Variants in CHMP4A observed in about 807,000 individuals in gnomAD.
The protein encoded by CHMP4A is charged multivesicular body protein 4A.
Under a neutral mutation model 28.2 loss-of-function variants are expected in CHMP4A, and 29 were observed. The ratio of observed to expected loss-of-function variants is 1.03; its 90% CI spans 0.77 to 1.40. The LOEUF is 1.40. Ranked by LOEUF, CHMP4A falls within the 40% of genes most tolerant of loss-of-function variation. The probability of loss-of-function intolerance (pLI) is 0.00; values close to 1 mark genes in which losing one functional copy is unlikely to be tolerated. For synonymous variants in CHMP4A, 88 were observed against 99.3 expected, an observed-to-expected ratio of 0.89 and a Z score of 0.67; for missense variants, 241 against 263.5, an observed-to-expected ratio of 0.91 and a Z score of 0.59.
At position 24,213,479 on chromosome 14, in the gene CHMP4A, C is replaced by A. The variant is rs751983750; in HGVS notation, c.-40G>T. On this transcript the variant is annotated 5_prime_UTR_variant, in exon 1 of 6. Transcript: ENST00000347519. ...TCCCGCCTCCGCCCCTCAGCGTCCT[C>A]CAGACTTCCGCCTTGCTCCTGGGAG... 4.3e-6 allele frequency: 7 copies of A among 1,613,610 alleles called. No homozygotes were observed. The Middle Eastern group carries it at 1.2e-3, about 266-fold the overall frequency.
intron 3 of CHMP4A, 24 bp downstream of exon 3, chr14:24,211,391 C>G (rs1449898123): frequency 4.4e-6 from 7 of 1,582,502 alleles, no homozygotes; most frequent in Admixed American, 1.7e-5. Flanking sequence ...CCTGGGTCCC[C>G]TCCACCCCTC....
At chr14:24,212,519 C>A in intron 1 of CHMP4A, 1 of 357,626 alleles carries the variant, frequency 2.8e-6, no homozygotes, top group Non-Finnish European at 5.3e-6. Flanking sequence ...CCCTGAGTAG[C>A]TGGGACTACA....
Position 24,211,761 on chromosome 14 carries a change from T to G in CHMP4A, c.100A>C (p.Ile34Leu). 6.2e-7 allele frequency: 1 copy of G among 1,614,226 alleles called. No homozygotes were observed. ...QKLKETEKILIKKQEFLEQKI... is the reference protein window; with the variant it reads ...QKLKETEKILLKKQEFLEQKI... ...TGCTCCAAAAATTCCTGTTTCTTGA[T>G]CAGTATCTTCTCTGTCTCCTTCAGT... The change falls in exon 2 of 6, where the codon ATC (isoleucine) becomes CTC (leucine). Residue 34 changes from isoleucine (I) to leucine (L), a missense_variant. Transcript: ENST00000347519.
At position 24,211,500 on chromosome 14, in the gene CHMP4A, C is replaced by A. The variant is rs778044294; in HGVS notation, c.274G>T (p.Ala92Ser). ...TLSTLEFQRE[A>S]IENATTNAEV... is the part of the protein sequence containing the mutation. ...GCATTGGTAGTGGCATTCTCAATGG[C>A]CTCACGCTGAAACTCCAGGGTGGAT... The change falls in exon 3 of 6, where the codon GCC becomes TCC. Residue 92 changes from alanine (A) to serine (S), a missense_variant. Ala to Ser is a moderately conservative substitution (Grantham distance 99, BLOSUM62 1). Coordinates refer to ENST00000347519, the MANE Select transcript of CHMP4A (RefSeq NM_014169.5). The A allele has an allele frequency of 3.1e-6, 5 of 1,613,986 alleles. No individual in the cohort carries two copies. Among genetic ancestry groups the A allele is most frequent in the Middle Eastern group, 1.6e-4 (1 of 6,084 alleles).
At chr14:24,213,226 G>A in intron 1 of CHMP4A, 183 bp downstream of exon 1, 1 of 637,274 alleles carries the variant, frequency 1.6e-6, no homozygotes, top group Non-Finnish European at 2.5e-6. Context: ...GCCCCGACAT[G>A]GTGTGCCTTT....
At chr14:24,213,322 G>A in intron 1 of CHMP4A, 87 bp downstream of exon 1, 15 of 1,403,870 alleles carry the variant, frequency 1.1e-5, no homozygotes, top group Non-Finnish European at 1.4e-5. Flanking sequence ...CCTGCCCGGC[G>A]CAGCGGTCCG....
chr14:24,212,580 A>T (rs1194989742), intron 1 of CHMP4A: 1 of 389,056 alleles, frequency 2.6e-6, no homozygotes, highest in South Asian at 2.0e-5. Flanking sequence ...TTGAGAATGG[A>T]GTCTCCCTCT....
chr14:24,213,465 C>T lies in CHMP4A; in HGVS notation c.-26G>A. On this transcript the variant is annotated 5_prime_UTR_variant, in exon 1 of 6. Transcript: ENST00000347519. ...CGCGAGCTCGCCTCTCCCGCCTCCG[C>T]CCCTCAGCGTCCTCCAGACTTCCGC... 1.2e-6 allele frequency: 2 copies of T among 1,612,912 alleles called. No homozygotes were observed. Among genetic ancestry groups the T allele is most frequent in the Non-Finnish European group, 8.5e-7 (1 of 1,179,630 alleles).
chr14:24,211,619 A>T (rs2138860224), intron 2 of CHMP4A, 27 bp from the exon 3 acceptor site: 2 of 1,610,348 alleles, frequency 1.2e-6, no homozygotes, highest in Middle Eastern at 1.7e-4. Flanking sequence ...CCTGAACATC[A>T]AGAGTCAGAA....
At chr14:24,213,378 C>T (rs763361911) in intron 1 of CHMP4A, 31 bp downstream of exon 1, 3 of 1,545,758 alleles carry the variant, frequency 1.9e-6, no homozygotes, top group South Asian at 2.4e-5. Flanking sequence ...CAGCCAGCGC[C>T]TCCTGGCTGG....
intron 1 of CHMP4A, chr14:24,213,169 A>C (rs1388888156): frequency 2.0e-6 from 1 of 511,904 alleles, no homozygotes; most frequent in East Asian, 3.6e-5. Flanking sequence ...CCAGATCTTG[A>C]GTTCTTCCCT....
intron 1 of CHMP4A, 50 bp downstream of exon 1, chr14:24,213,359 C>G: frequency 6.6e-7 from 1 of 1,516,822 alleles, no homozygotes; most frequent in Admixed American, 2.3e-5. Context: ...GTCTCCTCTT[C>G]CCCTGCACCA....
At position 24,209,772 on chromosome 14, in the gene CHMP4A, C is replaced by T. The variant is rs1292549972; in HGVS notation, c.*105G>A. 1 of 1,097,732 alleles carries T rather than the reference C, an allele frequency of 9.1e-7. No individual in the cohort carries two copies. The highest frequency in any genetic ancestry group is 1.5e-5 in the African/African-American group (1 of 64,676). 68.0% of individuals were successfully genotyped at this position (1,097,732 alleles called of 1,614,324 possible). ...TTTCAGGCAGGGTCACACTACCACC[C>T]TCAGCATGACTTCCCCAAAAAGTTA... On this transcript the variant is annotated 3_prime_UTR_variant, in exon 6 of 6. Transcript: ENST00000347519.
intron 1 of CHMP4A, chr14:24,213,085 C>T (rs1333483058): frequency 8.6e-6 from 3 of 347,854 alleles, no homozygotes; most frequent in Middle Eastern, 7.5e-4. Flanking sequence ...TGGCTGAAGA[C>T]AGCAGGAAAC....
Position 24,209,797 on chromosome 14 carries a change from A to G in CHMP4A, c.*80T>C. 7.2e-7 allele frequency: 1 copy of G among 1,391,476 alleles called. No homozygotes were observed. The highest frequency in any genetic ancestry group is 1.0e-6 in the Non-Finnish European group (1 of 978,462). The allele number at this position is 1,391,476 out of a possible 1,614,324, so 86.2% of individuals were successfully genotyped here. ...CTCAGCATGACTTCCCCAAAAAGTT[A>G]TCCTCCTTTAGCTCAGCACTTGGCA... On this transcript the variant is annotated 3_prime_UTR_variant, in exon 6 of 6. Coordinates refer to ENST00000347519, the MANE Select transcript of CHMP4A (RefSeq NM_014169.5).
intron 3 of CHMP4A, 130 bp downstream of exon 3, chr14:24,211,285 G>A: frequency 2.6e-6 from 2 of 783,070 alleles, no homozygotes; most frequent in Admixed American, 2.9e-5. Flanking sequence ...GCAAGGGGCA[G>A]ATGGATGTCT....
At position 24,210,431 on chromosome 14, in the gene CHMP4A, T is replaced by C. The variant is rs148589696; in HGVS notation, c.527A>G (p.Glu176Gly). 2.0e-4 allele frequency: 324 copies of C among 1,614,092 alleles called. No homozygotes were observed. Among genetic ancestry groups the C allele is most frequent in the Non-Finnish European group, 2.5e-4 (295 of 1,180,010 alleles). ...TTCCTTGTCGCCCACATTTAACAAC[T>C]CCTGGGCCAATTCCTCCTGCTCCAG... ...EELEQEELAQ[E>G]LLNVGDKEEE... is the part of the protein sequence containing the mutation. Residue 176 changes from glutamate to glycine, a missense_variant, in exon 5 of 6, where the codon GAG (glutamate) becomes GGG (glycine). Glu to Gly is a moderately conservative substitution (Grantham distance 98). Transcript: ENST00000347519.
chr14:24,211,338 G>C, intron 3 of CHMP4A, 77 bp downstream of exon 3: 1 of 1,259,340 alleles, frequency 7.9e-7, no homozygotes, highest in Non-Finnish European at 1.1e-6. Flanking sequence ...ATTCTGAGAG[G>C]CTTTAAAGTT....
In CHMP4A at chr14:24,211,836, A is replaced by T. The variant is rs2039593830; in HGVS notation, c.32-7T>A. 1.3e-6 allele frequency: 2 copies of T among 1,596,820 alleles called. No individual in the cohort carries two copies. Among genetic ancestry groups the T allele is most frequent in the African/African-American group, 2.7e-5 (2 of 73,586 alleles). On this transcript the variant is annotated splice_region_variant and splice_polypyrimidine_tract_variant and intron_variant, in intron 1 of 5. Transcript: ENST00000347519. ...GGCCCTTTCTCCTTCTTCCCTGAGG[A>T]GTCCAGTGGAGTAGGCCCAAATTTT...
Sources: gnomAD v4.1 joint callset for allele counts on GRCh38, gnomAD v4.1.1 for gene constraint, MANE v1.5 for transcripts, NCBI Gene and HGNC (gene_info 2026-07-23, HGNC 2026-07-21) for gene names.